Variants in KIR3DL3 observed in about 807,000 individuals in gnomAD.
KIR3DL3 encodes the protein killer cell immunoglobulin-like receptor 3DL3.
KIR3DL3 carries 27 observed loss-of-function variants against 34.9 expected under a neutral mutation model. The observed-to-expected ratio is 0.77, with a 90% CI of 0.57 to 1.07. The LOEUF (loss-of-function observed/expected upper bound fraction) is 1.07, where lower values mean the gene tolerates loss of function less well. Ranked by LOEUF, KIR3DL3 falls within the 50% of genes least tolerant of loss-of-function variation. The pLI is 0.00. For synonymous variants in KIR3DL3, 217 were observed against 200.2 expected (o/e 1.08, Z -0.71); for missense variants, 681 against 528.5 (o/e 1.29, Z -2.83).
chr19:54,731,369 T>C (rs1357189131), intron 5 of KIR3DL3, among the ~76,000 whole-genome samples: 1 of 151,112 alleles, frequency 6.6e-6, no homozygotes, highest in Non-Finnish European at 1.5e-5. Context: ...TAATTTACAT[T>C]CGTATCAGCA....
At chr19:54,727,266 T>G (rs2068285469) in intron 3 of KIR3DL3, among the ~76,000 whole-genome samples, 2 of 122,290 alleles carry the variant, frequency 1.6e-5, no homozygotes, top group Non-Finnish European at 1.7e-5. Flanking sequence ...CAAAAGAGAT[T>G]GATTCAGGCT....
intron 4 of KIR3DL3, among the ~76,000 whole-genome samples, chr19:54,728,959 AAGAC>A (rs1278344468): frequency 2.8e-5 from 4 of 144,368 alleles, no homozygotes; most frequent in African/African-American, 5.0e-5. Context: ...GACAAGTAGA[AAGAC>A]AGACAGATGA....
At chr19:54,734,805 C>T (rs1425611915) in intron 5 of KIR3DL3, among the ~76,000 whole-genome samples, 7 of 143,540 alleles carry the variant, frequency 4.9e-5, no homozygotes, top group African/African-American at 1.8e-4. Flanking sequence ...TCTGTCTGTG[C>T]AGAGACCACA....
intron 5 of KIR3DL3, among the ~76,000 whole-genome samples, chr19:54,734,133 A>G (rs1304487543): frequency 1.3e-5 from 2 of 149,288 alleles, no homozygotes; most frequent in Non-Finnish European, 3.0e-5. Flanking sequence ...TCTTGATTTC[A>G]TTTTTTCTTT....
intron 5 of KIR3DL3, among the ~76,000 whole-genome samples, chr19:54,732,213 G>C (rs1233738463): frequency 1.3e-5 from 2 of 151,748 alleles, no homozygotes; most frequent in East Asian, 1.9e-4. Flanking sequence ...AAGCATCTGT[G>C]CACCAAATCT....
chr19:54,731,529 A>C (rs112711994), intron 5 of KIR3DL3, among the ~76,000 whole-genome samples: 1 of 151,494 alleles, frequency 6.6e-6, no homozygotes, highest in Non-Finnish European at 1.5e-5. Context: ...ATCTTTTCCT[A>C]TTGTTGCCAT....
chr19:54,729,302 T>C (rs1365020740), intron 4 of KIR3DL3, among the ~76,000 whole-genome samples, 191 bp from the exon 5 acceptor site: 5 of 151,104 alleles, frequency 3.3e-5, no homozygotes, highest in Non-Finnish European at 7.4e-5. Flanking sequence ...GATGGAGAAG[T>C]GAGGTCAGAG....
intron 1 of KIR3DL3, among the ~76,000 whole-genome samples, 197 bp downstream of exon 1, chr19:54,724,727 G>T (rs1244017108): frequency 1.5e-5 from 2 of 131,374 alleles, no homozygotes; most frequent in African/African-American, 2.8e-5. Flanking sequence ...CTGAAGTAGA[G>T]ATATGGGCCT....
intron 5 of KIR3DL3, among the ~76,000 whole-genome samples, chr19:54,730,793 T>TTG (rs1267206615): frequency 1.4e-4 from 21 of 152,062 alleles, no homozygotes; most frequent in Admixed American, 6.6e-5. Context: ...GTTGTCCCTA[T>TTG]TGTGTGTGTG....
intron 1 of KIR3DL3, among the ~76,000 whole-genome samples, chr19:54,724,859 GGAGATATGGGCCTGGAGGT>G (rs1414763859): frequency 1.4e-5 from 2 of 145,098 alleles, no homozygotes; most frequent in Non-Finnish European, 3.0e-5. Context: ...GGCCTAGAGT[GGAGATATGGGCCTGGAGGT>G]GGAGATATGG....
chr19:54,732,788 A>G (rs1439197168), intron 5 of KIR3DL3, among the ~76,000 whole-genome samples: 3 of 152,236 alleles, frequency 2.0e-5, no homozygotes, highest in Non-Finnish European at 4.4e-5. Flanking sequence ...GATGGGGAGA[A>G]TGACAAGACA....
Position 54,724,485 on chromosome 19 carries a change from A to G in KIR3DL3, c.-12A>G. On this transcript the variant is annotated 5_prime_UTR_variant, in exon 1 of 8. Coordinates refer to ENST00000291860, the MANE Select transcript of KIR3DL3 (RefSeq NM_153443.5). ...AGCTGGGGCGCAGCCGCCTGTCTGC[A>G]CCGGCAGCACCATGTCGCTCATGGT... The G allele has an allele frequency of 1.2e-6, 2 of 1,612,980 alleles. No individual in the cohort carries two copies. Among genetic ancestry groups the G allele is most frequent in the Middle Eastern group, 1.7e-4 (1 of 6,058 alleles).
chr19:54,732,246 G>GTTT (rs376885520), intron 5 of KIR3DL3, among the ~76,000 whole-genome samples: 1 of 127,566 alleles, frequency 7.8e-6, no homozygotes, highest in African/African-American at 2.7e-5. Context: ...GTGTGTGTGT[G>GTTT]TTTTTTGTTT....
intron 1 of KIR3DL3, among the ~76,000 whole-genome samples, chr19:54,724,900 T>TGG (rs2067981316): frequency 2.4e-5 from 2 of 83,536 alleles, no homozygotes; most frequent in African/African-American, 9.8e-5. Context: ...CCTGGAACTG[T>TGG]AGATATGGGC....
chr19:54,734,935 G>A (rs1214057707), intron 5 of KIR3DL3, among the ~76,000 whole-genome samples: 1,172 of 113,520 alleles, frequency 0.01, no homozygotes, highest in South Asian at 0.027. Flanking sequence ...CGTCTCCTTG[G>A]AACAGCATTG....
Position 54,726,293 on chromosome 19 carries a change from C to G in KIR3DL3, c.311C>G (p.Thr104Ser), listed in dbSNP as rs536966126. 1.9e-6 allele frequency: 3 copies of G among 1,613,966 alleles called. No individual in the cohort carries two copies. Among genetic ancestry groups the G allele is most frequent in the Non-Finnish European group, 2.5e-6 (3 of 1,179,998 alleles). ...TGCAGTTCACACCCACACTCCCCCACTGGGTGGTCGGCACCCAGCAACCCT... is the reference window on the plus strand; with the variant it reads ...TGCAGTTCACACCCACACTCCCCCAGTGGGTGGTCGGCACCCAGCAACCCT... Reference protein sequence around the residue: ...RCCSSHPHSPTGWSAPSNPVV... With the variant: ...RCCSSHPHSPSGWSAPSNPVV... Residue 104 changes from threonine to serine, a missense_variant, in exon 3 of 8, where the codon ACT becomes AGT. By Grantham distance (58) the Thr-to-Ser change is moderately conservative. Transcript: ENST00000291860.
intron 5 of KIR3DL3, among the ~76,000 whole-genome samples, chr19:54,730,602 CT>C (rs1275898385): frequency 1.4e-4 from 21 of 147,880 alleles, no homozygotes; most frequent in Admixed American, 2.0e-4. Flanking sequence ...AATTAGTATT[CT>C]TTTTTTTTTA....
At chr19:54,732,144 T>G (rs1422909802) in intron 5 of KIR3DL3, among the ~76,000 whole-genome samples, 2 of 152,066 alleles carry the variant, frequency 1.3e-5, no homozygotes, top group Non-Finnish European at 1.5e-5. Flanking sequence ...TGCAGATGGG[T>G]AAATGCGAGG....
At chr19:54,724,789 T>C (rs1017635838) in intron 1 of KIR3DL3, among the ~76,000 whole-genome samples, 4 of 133,638 alleles carry the variant, frequency 3.0e-5, no homozygotes, top group Non-Finnish European at 6.3e-5. Flanking sequence ...AGTGGAGATA[T>C]TGGCTTGGAG....
Sources: allele counts gnomAD v4.1 joint callset (sites outside exome capture counted in the v4.1 genomes callset), GRCh38; gene constraint gnomAD v4.1.1; transcripts MANE v1.5; gene names NCBI Gene and HGNC (gene_info 2026-07-23, HGNC 2026-07-21).